Variants in PRKG1 observed in about 807,000 individuals in gnomAD.
The protein encoded by PRKG1 is cGMP-dependent protein kinase 1.
In PRKG1, 35 loss-of-function variants were observed where a neutral mutation model predicts 88.1. The ratio of observed to expected loss-of-function variants is 0.40; its 90% CI spans 0.30 to 0.53. The LOEUF is 0.53. Ranked by LOEUF, PRKG1 falls within the 20% of genes least tolerant of loss-of-function variation. The pLI, the probability that PRKG1 is intolerant of heterozygous loss-of-function variation, is 0.59. For synonymous variants in PRKG1, 303 were observed against 292.5 expected, an observed-to-expected ratio of 1.04 and a Z score of -0.37; for missense variants, 540 against 839.8, an observed-to-expected ratio of 0.64 and a Z score of 4.41.
In PRKG1 at chr10:51,539,639, C is replaced by T. The variant is rs536177537; in HGVS notation, c.592+71803C>T. ...TGCACGAATGAATTCCTTTTAAGGACTTTATGCCTTGCTGTATGACACTGA... is the reference window on the plus strand; with the variant it reads ...TGCACGAATGAATTCCTTTTAAGGATTTTATGCCTTGCTGTATGACACTGA... On this transcript the variant is annotated intron_variant, in intron 3 of 17. Coordinates refer to ENST00000373980, the MANE Select transcript of PRKG1 (RefSeq NM_006258.4). Among the ~76,000 whole-genome samples the T allele has an allele frequency of 2.6e-5, 4 of 152,212 alleles. No individual in the cohort carries two copies. In the East Asian group the frequency reaches 7.7e-4, roughly 29 times the overall value.
intron 2 of PRKG1, among the ~76,000 whole-genome samples, chr10:51,434,460 T>C (rs1838863332): frequency 6.6e-6 from 1 of 152,104 alleles, no homozygotes; most frequent in African/African-American, 2.4e-5. Flanking sequence ...AGCCAAAACA[T>C]GCATTTTAAA....
chr10:51,261,912 T>TC (rs1342197629), intron 2 of PRKG1, among the ~76,000 whole-genome samples: 3 of 130,212 alleles, frequency 2.3e-5, no homozygotes, highest in Non-Finnish European at 4.7e-5. Context: ...TGAGATGGAG[T>TC]CTGGCTCTGT....
chr10:51,261,796 C>T (rs1839712946), intron 2 of PRKG1, among the ~76,000 whole-genome samples: 2 of 151,840 alleles, frequency 1.3e-5, no homozygotes, highest in Non-Finnish European at 1.5e-5. Flanking sequence ...AAACTGATTC[C>T]CTGTTTGAAA....
chr10:51,578,315 C>G (rs769339564), intron 3 of PRKG1, among the ~76,000 whole-genome samples: 5 of 152,078 alleles, frequency 3.3e-5, no homozygotes, highest in Non-Finnish European at 5.9e-5. Context: ...TGATCATTTC[C>G]TTCACAAACC....
At chr10:52,040,832 CTTTT>C (rs11312625) in intron 5 of PRKG1, among the ~76,000 whole-genome samples, 54 of 85,232 alleles carry the variant, frequency 6.3e-4, no homozygotes, top group African/African-American at 2.5e-3. Context: ...AATGGCTTTT[CTTTT>C]TTTTTTTTTT....
chr10:51,930,401 A>G (rs1331327996), intron 5 of PRKG1, among the ~76,000 whole-genome samples: 1 of 151,416 alleles, frequency 6.6e-6, no homozygotes, highest in African/African-American at 2.4e-5. Context: ...TATGTCATGT[A>G]TATTTTACCA....
intron 3 of PRKG1, among the ~76,000 whole-genome samples, chr10:51,704,056 A>G (rs1841539402): frequency 1.3e-5 from 2 of 149,970 alleles, no homozygotes; most frequent in African/African-American, 2.5e-5. Context: ...AGGTTTGAGG[A>G]TTGCTTGAAC....
Position 51,074,789 on chromosome 10 carries a change from A to C in PRKG1, c.199A>C (p.Thr67Pro), listed in dbSNP as rs780463877. 2 of 1,613,718 alleles carry C rather than the reference A, an allele frequency of 1.2e-6. No homozygotes were observed. The highest frequency in any genetic ancestry group is 1.7e-6 in the Non-Finnish European group (2 of 1,179,912). ...GCAGGCGCAGAAGCAGAGCGCGAGC[A>C]CCTTGCAGGGCGAGCCGCGCACCAA... ...TQQAQKQSAS[T>P]LQGEPRTKRQ... Residue 67 changes from threonine to proline, a missense_variant, in exon 1 of 18, where the codon ACC becomes CCC. Physicochemically the swap from Thr to Pro is conservative, Grantham distance 38 (BLOSUM62 -1). Transcript: ENST00000373980.
chr10:52,150,463 T>G (rs1361499212), intron 8 of PRKG1, among the ~76,000 whole-genome samples: 1 of 152,128 alleles, frequency 6.6e-6, no homozygotes, highest in Non-Finnish European at 1.5e-5. Context: ...TAAAATAGTT[T>G]GTACAATCCT....
At chr10:51,514,759 C>T (rs1841529168) in intron 3 of PRKG1, among the ~76,000 whole-genome samples, 1 of 152,184 alleles carries the variant, frequency 6.6e-6, no homozygotes, top group Non-Finnish European at 1.5e-5. Flanking sequence ...AAGAGTTGTA[C>T]ATCACAAAGG....
At chr10:51,857,808 A>G (rs974661118) in intron 4 of PRKG1, among the ~76,000 whole-genome samples, 1 of 151,676 alleles carries the variant, frequency 6.6e-6, no homozygotes, top group African/African-American at 2.4e-5. Context: ...TTCAGGGCAC[A>G]TAGTGGTTAG....
At chr10:51,340,799 G>T (rs1394670166) in intron 2 of PRKG1, among the ~76,000 whole-genome samples, 1 of 152,130 alleles carries the variant, frequency 6.6e-6, no homozygotes, top group Non-Finnish European at 1.5e-5. Context: ...GACAATATCT[G>T]AAGTCTCAAA....
At chr10:51,938,407 C>A (rs79466381) in intron 5 of PRKG1, among the ~76,000 whole-genome samples, 1 of 151,766 alleles carries the variant, frequency 6.6e-6, no homozygotes, top group Non-Finnish European at 1.5e-5. Flanking sequence ...GCAATGTATC[C>A]CCTATGGATA....
intron 1 of PRKG1, among the ~76,000 whole-genome samples, chr10:51,117,529 T>G (rs1387663882): frequency 6.6e-6 from 1 of 152,244 alleles, no homozygotes; most frequent in Non-Finnish European, 1.5e-5. Flanking sequence ...TTATGGTGCT[T>G]ACCACGGTTT....
intron 3 of PRKG1, among the ~76,000 whole-genome samples, chr10:51,531,619 C>T (rs192658903): frequency 2.8e-5 from 4 of 141,844 alleles, no homozygotes; most frequent in Admixed American, 7.1e-5. Flanking sequence ...GACATTGTTT[C>T]GGACTACAAA....
chr10:51,680,134 G>T (rs563213546), intron 3 of PRKG1, among the ~76,000 whole-genome samples: 1 of 152,082 alleles, frequency 6.6e-6, no homozygotes, highest in African/African-American at 2.4e-5. Flanking sequence ...TGGGTTAGCC[G>T]CAGGCCAATT....
intron 3 of PRKG1, among the ~76,000 whole-genome samples, chr10:51,754,937 T>G (rs1395967467): frequency 6.6e-6 from 1 of 151,156 alleles, no homozygotes; most frequent in African/African-American, 2.4e-5. Context: ...ACAGGCACTG[T>G]CAACTATGAG....
At chr10:51,842,764 C>T (rs1840310291) in intron 4 of PRKG1, among the ~76,000 whole-genome samples, 1 of 151,988 alleles carries the variant, frequency 6.6e-6, no homozygotes, top group Non-Finnish European at 1.5e-5. Flanking sequence ...ATCTATTTAT[C>T]TAACTAGTGT....
intron 3 of PRKG1, among the ~76,000 whole-genome samples, chr10:51,649,698 C>T (rs550875728): frequency 8.5e-5 from 13 of 152,232 alleles, no homozygotes; most frequent in African/African-American, 3.1e-4. Context: ...TTATAGAAAA[C>T]GAAAACACAC....
Sources: gnomAD v4.1 joint callset for allele counts (sites outside exome capture counted in the v4.1 genomes callset) on GRCh38, gnomAD v4.1.1 for gene constraint, MANE v1.5 for transcripts, NCBI Gene and HGNC (gene_info 2026-07-23, HGNC 2026-07-21) for gene names.